Variants in ZFP82 observed in about 807,000 individuals in gnomAD.
The protein encoded by ZFP82 is ZFP82 zinc finger protein, also known as zinc finger protein 82 homolog.
ZFP82 carries 30 observed loss-of-function variants against 54.0 expected under a neutral mutation model. The ratio of observed to expected loss-of-function variants is 0.56; its 90% CI spans 0.42 to 0.75. The LOEUF (loss-of-function observed/expected upper bound fraction) is 0.75. Among genes scored for constraint, ZFP82 ranks in the 30% least tolerant of loss-of-function variants. The pLI, the probability that ZFP82 is intolerant of heterozygous loss-of-function variation, is 0.00. For synonymous variants in ZFP82, 194 were observed against 209.5 expected (o/e 0.93, Z 0.64); for missense variants, 500 against 636.8 (o/e 0.79, Z 2.31).
chr19:36,412,065 C>T (rs919943737), intron 1 of ZFP82, among the ~76,000 whole-genome samples: 4 of 107,988 alleles, frequency 3.7e-5, no homozygotes, highest in African/African-American at 6.7e-5. Flanking sequence ...CAAAAACAGA[C>T]GTGAGAGAAA....
rs1181890855 is a variant in ZFP82 at position 36,409,861 on chromosome 19, G to C, written c.-72C>G. The C allele has an allele frequency of 1.3e-6, 2 of 1,544,310 alleles. No homozygotes were observed. The highest frequency in any genetic ancestry group is 1.8e-6 in the Non-Finnish European group (2 of 1,117,888). ...CCAGGAGAAGCACCGAGTCCACAGA[G>C]GCTGATCTAGGGAGAGGAAAACAAG... On this transcript the variant is annotated 5_prime_UTR_variant, in exon 2 of 5. Transcript: ENST00000392161.
In ZFP82 at chr19:36,416,671, G is replaced by A. The variant is rs1002034483; in HGVS notation, c.-79+1821C>T. On this transcript the variant is annotated intron_variant, in intron 1 of 4. Transcript: ENST00000392161. ...CTAGGGTGGCTGAGGCAGGAGAATCGCTTGAACCTGGGAGGCGGAGGTTGC... is the reference window on the plus strand; with the variant it reads ...CTAGGGTGGCTGAGGCAGGAGAATCACTTGAACCTGGGAGGCGGAGGTTGC... 2.7e-5 allele frequency among the ~76,000 whole-genome samples: 4 copies of A among 149,848 alleles called. No homozygotes were observed. The Admixed American group carries it at 2.7e-4, about 10-fold the overall frequency.
chr19:36,389,555 T>A lies in ZFP82; in HGVS notation c.*3186A>T, dbSNP rs986786798. On this transcript the variant is annotated 3_prime_UTR_variant, in exon 5 of 5. Coordinates refer to ENST00000392161, the MANE Select transcript of ZFP82 (RefSeq NM_133466.4). Reference sequence around the variant, plus strand: ...AACATTTCAGCCTTAAATACCTCAGTATGAATCTCTAACACTTAAGGACTC... The same window carrying A: ...AACATTTCAGCCTTAAATACCTCAGAATGAATCTCTAACACTTAAGGACTC... Among the ~76,000 whole-genome samples the A allele has an allele frequency of 3.3e-5, 5 of 152,166 alleles. No individual in the cohort carries two copies. Among genetic ancestry groups the A allele is most frequent in the Admixed American group, 1.3e-4 (2 of 15,264 alleles).
intron 2 of ZFP82, 92 bp from the exon 3 acceptor site, chr19:36,408,105 G>A: frequency 2.1e-6 from 3 of 1,406,448 alleles, no homozygotes; most frequent in African/African-American, 2.8e-5. Flanking sequence ...TGCAGGAAGT[G>A]GATCATATGG....
chr19:36,388,170 A>C (rs531287607), downstream of ZFP82, among the ~76,000 whole-genome samples: 1 of 152,214 alleles, frequency 6.6e-6, no homozygotes, highest in South Asian at 2.1e-4. Context: ...GGGTATTCCT[A>C]GTAAATCATT....
chr19:36,401,759 T>C (rs2032388533), intron 4 of ZFP82, among the ~76,000 whole-genome samples: 1 of 152,206 alleles, frequency 6.6e-6, no homozygotes, highest in South Asian at 2.1e-4. Flanking sequence ...GCTTCTTACT[T>C]TCCCTTTCCC....
intron 3 of ZFP82, 37 bp downstream of exon 3, chr19:36,407,850 G>A (rs1235009013): frequency 1.2e-6 from 2 of 1,600,538 alleles, no homozygotes; most frequent in Non-Finnish European, 1.7e-6. Context: ...GATTTACAGA[G>A]AACACAGTCT....
Position 36,393,116 on chromosome 19 carries a change from T to C in ZFP82, c.1224A>G (p.Gln408=). The C allele has an allele frequency of 6.2e-7, 1 of 1,609,970 alleles. No homozygotes were observed. Among genetic ancestry groups the C allele is most frequent in the South Asian group, 1.1e-5 (1 of 90,916 alleles). Residue 408 remains glutamine (Q), a synonymous_variant, in exon 5 of 5, where the codon CAA becomes CAG. Coordinates refer to ENST00000392161, the MANE Select transcript of ZFP82 (RefSeq NM_133466.4). ...TATGAATACTCTGATGTGAAATAAG[T>C]TGTGAGTAGCGACTAAAGGCTTTCC... ...ECWKAFSRYS[Q]LISHQSIHIG... is the part of the protein sequence containing the mutation.
At chr19:36,406,986 A>G (rs1412074819) in intron 3 of ZFP82, among the ~76,000 whole-genome samples, 8 of 152,132 alleles carry the variant, frequency 5.3e-5, no homozygotes, top group Non-Finnish European at 1.2e-4. Context: ...CTATTTTGGA[A>G]TATACAATAT....
chr19:36,416,634 T>C (rs1011004003), intron 1 of ZFP82, among the ~76,000 whole-genome samples: 1 of 151,172 alleles, frequency 6.6e-6, no homozygotes, highest in Non-Finnish European at 1.5e-5. Flanking sequence ...TATATGCCTG[T>C]AATCCCAGCT....
At position 36,390,324 on chromosome 19, in the gene ZFP82, T is replaced by C. The variant is rs2032173277; in HGVS notation, c.*2417A>G. ...GTCTCCTTTAAAGTGTAGGATTCCA[T>C]TTTTGTCTTTTTTTTTTTTTTTTTT... On this transcript the variant is annotated 3_prime_UTR_variant, in exon 5 of 5. Coordinates refer to ENST00000392161, the MANE Select transcript of ZFP82 (RefSeq NM_133466.4). The C allele has an allele frequency of 8.3e-6, 1 of 120,754 alleles. No homozygotes were observed. The highest frequency in any genetic ancestry group is 1.8e-5 in the Non-Finnish European group (1 of 57,010). The allele number at this position is 120,754 out of a possible 1,614,324, so 7.5% of individuals were successfully genotyped here.
rs867307553 is a variant in ZFP82 at position 36,409,896 on chromosome 19, T to C, written c.-78-29A>G. The C allele has an allele frequency of 3.5e-5, 41 of 1,177,478 alleles. No individual in the cohort carries two copies. In the Middle Eastern group the frequency reaches 6.3e-3, roughly 181 times the overall value. 72.9% of individuals were successfully genotyped at this position (1,177,478 alleles called of 1,614,324 possible). ...GGGAGAGGAAAACAAGGCCATGAGA[T>C]CAGATGGACCTCAGAAATCCCCAAA... is the stretch of plus-strand genomic sequence containing the variant. On this transcript the variant is annotated intron_variant, in intron 1 of 4. Transcript: ENST00000392161.
intron 3 of ZFP82, among the ~76,000 whole-genome samples, chr19:36,407,074 CTTTTTTTTT>C (rs35808591): frequency 1.0e-5 from 1 of 99,760 alleles, no homozygotes; most frequent in South Asian, 3.1e-4. Flanking sequence ...TTTTAATTTT[CTTTTTTTTT>C]TTTTTTTTTT....
rs558337038 is a variant in ZFP82 at position 36,388,843 on chromosome 19, TTA to T, written c.*3896_*3897del. 9.8e-5 allele frequency among the ~76,000 whole-genome samples: 15 copies of T among 152,318 alleles called. No individual in the cohort carries two copies. The highest frequency in any genetic ancestry group is 2.6e-4 in the Admixed American group (4 of 15,298). On this transcript the variant is annotated 3_prime_UTR_variant, in exon 5 of 5. Transcript: ENST00000392161. ...CTTATTTTTTCCCATAAATTGCCTG[TTA>T]TGTGACAGGCACTGTAGGTGTGTGA...
downstream of ZFP82, among the ~76,000 whole-genome samples, chr19:36,386,008 G>T (rs2032110755): frequency 6.6e-6 from 1 of 152,196 alleles, no homozygotes; most frequent in Non-Finnish European, 1.5e-5. Context: ...GTGTGTTTAG[G>T]AGTGCAAACC....
At position 36,392,245 on chromosome 19, in the gene ZFP82, G is replaced by C. The variant is rs545631127; in HGVS notation, c.*496C>G. ...CTCTTCAGCAAAGTAGCCAGACTTT[G>C]TAACAAGACAGTTCTGTCATTTCAT... On this transcript the variant is annotated 3_prime_UTR_variant, in exon 5 of 5. Coordinates refer to ENST00000392161, the MANE Select transcript of ZFP82 (RefSeq NM_133466.4). The C allele has an allele frequency of 6.5e-6, 1 of 153,688 alleles. No individual in the cohort carries two copies. The highest frequency in any genetic ancestry group is 1.5e-5 in the Non-Finnish European group (1 of 68,922). 9.5% of individuals were successfully genotyped at this position (153,688 alleles called of 1,614,324 possible). A position where few individuals can be genotyped will look rare whatever the true frequency, so the allele number is the denominator to read the frequency against.
chr19:36,394,353 A>T, intron 4 of ZFP82: 1 of 453,620 alleles, frequency 2.2e-6, no homozygotes, highest in Non-Finnish European at 3.9e-6. Flanking sequence ...TGAGGTGTGG[A>T]TCAGAATCAC....
chr19:36,406,941 T>C lies in ZFP82; in HGVS notation c.136+946A>G, dbSNP rs1186808949. Among the ~76,000 whole-genome samples the C allele has an allele frequency of 2.6e-5, 4 of 152,214 alleles. No individual in the cohort carries two copies. In the East Asian group the frequency reaches 5.8e-4, roughly 22 times the overall value. On this transcript the variant is annotated intron_variant, in intron 3 of 4. Transcript: ENST00000392161. ...CCTCAAATATTTATCATTTCTTTTCTTTGTAGTGAGAACATTAAAAATACT... is the reference window on the plus strand; with the variant it reads ...CCTCAAATATTTATCATTTCTTTTCCTTGTAGTGAGAACATTAAAAATACT...
chr19:36,384,380 C>T (rs933041969), downstream of ZFP82: 25 of 152,268 alleles, frequency 1.6e-4, no homozygotes, highest in Admixed American at 1.1e-3. Flanking sequence ...AGTAATCATA[C>T]ATCTGCCATA....
Sources: allele counts gnomAD v4.1 joint callset (sites outside exome capture counted in the v4.1 genomes callset), GRCh38; gene constraint gnomAD v4.1.1; transcripts MANE v1.5; gene names NCBI Gene and HGNC (gene_info 2026-07-23, HGNC 2026-07-21).